Variants in MVB12B observed in about 807,000 individuals in gnomAD.
The protein encoded by MVB12B is multivesicular body subunit 12B.
A neutral mutation model predicts 41.6 loss-of-function variants in MVB12B; 16 were observed. The ratio of observed to expected loss-of-function variants is 0.38; its 90% CI spans 0.26 to 0.58. The LOEUF (loss-of-function observed/expected upper bound fraction) is 0.58. Ranked by LOEUF, MVB12B falls within the 20% of genes least tolerant of loss-of-function variation. MVB12B has a pLI of 0.62. For missense variants in MVB12B, 274 were observed against 380.2 expected (o/e 0.72, Z 2.32); for synonymous variants, 133 against 139.7 (o/e 0.95, Z 0.34).
chr9:126,489,292 T>G (rs912271003), intron 9 of MVB12B, among the ~76,000 whole-genome samples: 1 of 152,190 alleles, frequency 6.6e-6, no homozygotes, highest in Non-Finnish European at 1.5e-5. Context: ...TGGGGCATGT[T>G]CCCAGGCCCC....
chr9:126,407,509 TTATTTA>T (rs1831477236), intron 6 of MVB12B, among the ~76,000 whole-genome samples: 1 of 152,170 alleles, frequency 6.6e-6, no homozygotes, highest in South Asian at 2.1e-4. Context: ...TTAATAACCA[TTATTTA>T]GAACTGTCGA....
At chr9:126,461,194 A>G (rs1445195880) in intron 7 of MVB12B, among the ~76,000 whole-genome samples, 1 of 152,100 alleles carries the variant, frequency 6.6e-6, no homozygotes, top group Non-Finnish European at 1.5e-5. Context: ...ATCCAGTTCC[A>G]TTGTCCCCAC....
At chr9:126,445,657 G>C (rs140622272) in intron 7 of MVB12B, among the ~76,000 whole-genome samples, 2,147 of 151,956 alleles carry the variant, frequency 0.014, 139 homozygotes, top group Admixed American at 0.1. Flanking sequence ...AATATTGTTG[G>C]GTCTTTTTTT....
intron 7 of MVB12B, among the ~76,000 whole-genome samples, chr9:126,469,825 T>C (rs1237987891): frequency 1.3e-5 from 2 of 152,230 alleles, no homozygotes; most frequent in Non-Finnish European, 2.9e-5. Context: ...TTTGAACTCA[T>C]GTGGAAAAGT....
intron 2 of MVB12B, among the ~76,000 whole-genome samples, chr9:126,373,928 G>A (rs760966286): frequency 5.9e-5 from 9 of 152,186 alleles, no homozygotes; most frequent in Non-Finnish European, 1.0e-4. Flanking sequence ...TTAATGCTTT[G>A]CTTTATATTT....
chr9:126,377,194 C>T lies in MVB12B; in HGVS notation c.205-3870C>T, dbSNP rs535253026. 5.3e-5 allele frequency among the ~76,000 whole-genome samples: 8 copies of T among 152,292 alleles called. No homozygotes were observed. In the East Asian group the frequency reaches 1.2e-3, roughly 22 times the overall value. On this transcript the variant is annotated intron_variant, in intron 2 of 9. Coordinates refer to ENST00000361171, the MANE Select transcript of MVB12B (RefSeq NM_033446.3). The stretch of plus-strand genomic sequence containing the variant: ...CGCCACTGCCTGGCCCTAGGGCCCT[C>T]CTGCTCCTCCTCAGAGACAGCTCCT...
intron 2 of MVB12B, among the ~76,000 whole-genome samples, chr9:126,378,257 T>A (rs1167006991): frequency 6.6e-6 from 1 of 152,248 alleles, no homozygotes; most frequent in African/African-American, 2.4e-5. Context: ...TGGAGGCTCC[T>A]CTTGACACTG....
chr9:126,379,242 A>G (rs1389719860), intron 2 of MVB12B, among the ~76,000 whole-genome samples: 1 of 152,246 alleles, frequency 6.6e-6, no homozygotes, highest in Non-Finnish European at 1.5e-5. Flanking sequence ...ATCTTAAAAT[A>G]GATGCATGTG....
intron 4 of MVB12B, among the ~76,000 whole-genome samples, chr9:126,388,495 A>G (rs1345529164): frequency 1.3e-5 from 2 of 152,210 alleles, no homozygotes; most frequent in Non-Finnish European, 2.9e-5. Context: ...GCTGCTATGA[A>G]CATTCATGTA....
At chr9:126,377,401 G>A (rs1038310029) in intron 2 of MVB12B, among the ~76,000 whole-genome samples, 1 of 152,200 alleles carries the variant, frequency 6.6e-6, no homozygotes, top group African/African-American at 2.4e-5. Context: ...ACACACAAGA[G>A]AACCAAAAGA....
chr9:126,492,873 C>G (rs968488543), intron 9 of MVB12B, among the ~76,000 whole-genome samples: 8 of 152,180 alleles, frequency 5.3e-5, no homozygotes, highest in Non-Finnish European at 1.0e-4. Flanking sequence ...GGCCACTCTT[C>G]AAGTTGAACA....
intron 2 of MVB12B, among the ~76,000 whole-genome samples, chr9:126,351,938 A>G (rs940338718): frequency 6.6e-5 from 10 of 152,270 alleles, no homozygotes; most frequent in African/African-American, 2.4e-4. Flanking sequence ...TCCTGTATCA[A>G]TTAATATGAT....
intron 6 of MVB12B, among the ~76,000 whole-genome samples, chr9:126,409,945 C>T (rs1040561702): frequency 3.3e-5 from 5 of 152,156 alleles, no homozygotes; most frequent in African/African-American, 1.2e-4. Flanking sequence ...TAAACCTAAC[C>T]GTTGTTCTTG....
intron 2 of MVB12B, among the ~76,000 whole-genome samples, chr9:126,354,930 A>G (rs1372905882): frequency 6.6e-6 from 1 of 152,202 alleles, no homozygotes; most frequent in Non-Finnish European, 1.5e-5. Flanking sequence ...CGTCTATTTT[A>G]TTGATTTGGC....
intron 6 of MVB12B, among the ~76,000 whole-genome samples, chr9:126,401,745 G>A (rs1033466821): frequency 7.2e-5 from 11 of 152,206 alleles, no homozygotes; most frequent in South Asian, 2.1e-4. Flanking sequence ...GCCACGCTCC[G>A]TCCTGGCCTC....
rs1055521448 is a variant in MVB12B, at chr9:126,478,370, G to A, written c.758-2999G>A. ...CAGATCCCCGTGCATGGGAACAGCA[G>A]CCCTCCCTGTCCAGCACAGCCCCTG... On this transcript the variant is annotated intron_variant, in intron 7 of 9. Coordinates refer to ENST00000361171, the MANE Select transcript of MVB12B (RefSeq NM_033446.3). The surrounding 1 kb of genome is among the most constrained non-coding windows in gnomAD (Gnocchi z 4.2). 2.0e-5 allele frequency among the ~76,000 whole-genome samples: 3 copies of A among 152,116 alleles called. No individual in the cohort carries two copies. The highest frequency in any genetic ancestry group is 2.0e-4 in the Admixed American group (3 of 15,276).
At chr9:126,359,800 C>A (rs1225351160) in intron 2 of MVB12B, among the ~76,000 whole-genome samples, 2 of 151,998 alleles carry the variant, frequency 1.3e-5, no homozygotes, top group African/African-American at 2.4e-5. Flanking sequence ...AGGCTGCCAT[C>A]CTGGATCAAA....
At position 126,459,938 on chromosome 9, in the gene MVB12B, C is replaced by T. The variant is rs545315724; in HGVS notation, c.758-21431C>T. Among the ~76,000 whole-genome samples, 7 of 152,308 alleles carry T rather than the reference C, an allele frequency of 4.6e-5. No individual in the cohort carries two copies. The highest frequency in any genetic ancestry group is 1.4e-4 in the African/African-American group (6 of 41,562). On this transcript the variant is annotated intron_variant, in intron 7 of 9. Transcript: ENST00000361171. This position sits in a 1 kb window ranked among gnomAD's most constrained non-coding sequence, Gnocchi z 4.3. ...AGCCGCTCTTGTTGGGAAGCAGCTT[C>T]CCCTGCGATTTGGGGCATGTGCTTT...
chr9:126,370,218 T>C (rs768848856), intron 2 of MVB12B, among the ~76,000 whole-genome samples: 2 of 152,186 alleles, frequency 1.3e-5, no homozygotes, highest in Non-Finnish European at 2.9e-5. Flanking sequence ...TTCGCCTTTC[T>C]GGATATGGAC....
Sources: gnomAD v4.1 joint callset for allele counts (sites outside exome capture counted in the v4.1 genomes callset) on GRCh38, gnomAD v4.1.1 for gene constraint, Gnocchi (gnomAD v3.1) non-coding constraint, MANE v1.5 for transcripts, NCBI Gene and HGNC (gene_info 2026-07-23, HGNC 2026-07-21) for gene names.